Variants in LOXHD1 observed in about 807,000 individuals in gnomAD.
LOXHD1 encodes the protein lipoxygenase homology domain-containing protein 1.
In LOXHD1, 205 loss-of-function variants were observed where a neutral mutation model predicts 248.2. The observed-to-expected ratio is 0.83, with a 90% CI of 0.74 to 0.93. The LOEUF (loss-of-function observed/expected upper bound fraction) is 0.93, where lower values mean the gene tolerates loss of function less well. Among genes scored for constraint, LOXHD1 ranks in the 40% least tolerant of loss-of-function variants. The pLI is 0.00. For missense variants in LOXHD1, 2,930 were observed against 2,971.6 expected, an observed-to-expected ratio of 0.99 and a Z score of 0.33; for synonymous variants, 1,113 against 1,162.8, an observed-to-expected ratio of 0.96 and a Z score of 0.87.
chr18:46,581,949 C>A (rs1327988240), intron 12 of LOXHD1, among the ~76,000 whole-genome samples: 1 of 152,138 alleles, frequency 6.6e-6, no homozygotes, highest in Non-Finnish European at 1.5e-5. Context: ...ACAAAAGCTA[C>A]CTTTCAAGAA....
chr18:46,530,550 T>C (rs1379503669), intron 28 of LOXHD1, among the ~76,000 whole-genome samples: 1 of 152,154 alleles, frequency 6.6e-6, no homozygotes, highest in African/African-American at 2.4e-5. Context: ...AGGCCTCTAC[T>C]GTGAGCCTCA....
Position 46,610,942 on chromosome 18 carries a change from CA to C in LOXHD1, c.611-19del, listed in dbSNP as rs1449730708. ...ACGCTCCCCTGTATGCACAGACATACAAAAGAAATTACAAAAAGACCAGAAG... is the reference window on the plus strand; with the variant it reads ...ACGCTCCCCTGTATGCACAGACATACAAAGAAATTACAAAAAGACCAGAAG... On this transcript the variant is annotated intron_variant, in intron 5 of 40. Transcript: ENST00000642948. 6.5e-7 allele frequency: 1 copy of C among 1,549,104 alleles called. No individual in the cohort carries two copies. The highest frequency in any genetic ancestry group is 8.7e-7 in the Non-Finnish European group (1 of 1,146,302).
intron 13 of LOXHD1, among the ~76,000 whole-genome samples, chr18:46,578,940 C>T (rs2037909728): frequency 6.6e-6 from 1 of 152,220 alleles, no homozygotes; most frequent in South Asian, 2.1e-4. Flanking sequence ...TCAAACTTGC[C>T]TAGCTCTTTC....
rs9944943 is a variant in LOXHD1, at chr18:46,485,380, T to C, written c.6050-229A>G. 0.33 allele frequency among the ~76,000 whole-genome samples: 49,493 copies of C among 151,750 alleles called. 8,877 individuals are homozygous for C. The highest frequency in any genetic ancestry group is 0.75 in the East Asian group (3,892 of 5,156). On this transcript the variant is annotated intron_variant, in intron 38 of 40. Coordinates refer to ENST00000642948, the MANE Select transcript of LOXHD1 (RefSeq NM_001384474.1). ...TTTATTTATAGTAGCAACCTCTTTG[T>C]AGGCAAATATGGGAGCCACTGGGAA... is the stretch of plus-strand genomic sequence containing the variant.
rs921788951 is a variant in LOXHD1 at position 46,601,401 on chromosome 18, T to C, written c.950A>G (p.Tyr317Cys). Residue 317 changes from tyrosine (Y) to cysteine (C), a missense_variant, in exon 8 of 41, where the codon TAC (tyrosine) becomes TGC (cysteine). By Grantham distance (194) the Tyr-to-Cys change is radical (BLOSUM62 -2). Transcript: ENST00000642948. ...CCCTCTGGCCCCATACATGACCAAG[T>C]AGATTTTGGATTTGGTACCAGCCCC... ...VRGAGTKSKI[Y>C]LVMYGARGNK... is the part of the protein sequence containing the mutation. The C allele has an allele frequency of 3.2e-6, 5 of 1,551,504 alleles. No homozygotes were observed. The highest frequency in any genetic ancestry group is 2.0e-5 in the Admixed American group (1 of 50,972).
At chr18:46,482,676 C>T (rs902730751) in intron 40 of LOXHD1, among the ~76,000 whole-genome samples, 2 of 152,226 alleles carry the variant, frequency 1.3e-5, no homozygotes, top group African/African-American at 4.8e-5. Flanking sequence ...GCTTGGCCTC[C>T]TGAGGGCCAG....
rs1011136526 is a variant in LOXHD1, at chr18:46,611,019, A to C, written c.611-95T>G. 3 of 1,437,336 alleles carry C rather than the reference A, an allele frequency of 2.1e-6. No individual in the cohort carries two copies. The East Asian group carries it at 7.5e-5, about 36-fold the overall frequency. 89.0% of individuals were successfully genotyped at this position (1,437,336 alleles called of 1,614,324 possible). On this transcript the variant is annotated intron_variant, in intron 5 of 40. Transcript: ENST00000642948. Reference sequence around the variant, plus strand: ...CCGCCCACTGAAAGATGCTCTTCCAAAGTTAACAAGGGCAACTTCCTCCTG... The same window carrying C: ...CCGCCCACTGAAAGATGCTCTTCCACAGTTAACAAGGGCAACTTCCTCCTG...
At position 46,489,041 on chromosome 18, in the gene LOXHD1, C is replaced by T; in HGVS notation, c.5980G>A (p.Gly1994Ser). 6.4e-7 allele frequency: 1 copy of T among 1,551,710 alleles called. No homozygotes were observed. Among genetic ancestry groups the T allele is most frequent in the Non-Finnish European group, 8.7e-7 (1 of 1,147,002 alleles). ...AAGTCGCGGACCGTCTGCCCGTCAC[C>T]CTCACTCTTGGAGAGCCAGCAGTCA... ...QCDCWLSKSE[G>S]DGQTVRDFAC... The change falls in exon 38 of 41, where the codon GGT (glycine) becomes AGT (serine). Residue 1994 changes from glycine to serine, a missense_variant. Gly to Ser is a moderately conservative substitution (Grantham distance 56, BLOSUM62 0). Coordinates refer to ENST00000642948, the MANE Select transcript of LOXHD1 (RefSeq NM_001384474.1).
intron 8 of LOXHD1, among the ~76,000 whole-genome samples, chr18:46,597,629 A>C (rs181622992): frequency 6.6e-6 from 1 of 152,112 alleles, no homozygotes. Flanking sequence ...TTTGGGAAAC[A>C]TCACTGCAAT....
At position 46,566,269 on chromosome 18, in the gene LOXHD1, C is replaced by T; in HGVS notation, c.2425G>A (p.Glu809Lys). The T allele has an allele frequency of 1.9e-6, 3 of 1,549,588 alleles. No individual in the cohort carries two copies. The highest frequency in any genetic ancestry group is 3.4e-4 in the Middle Eastern group (2 of 5,902). The change falls in exon 17 of 41, where the codon GAG becomes AAG. Residue 809 changes from glutamate (E) to lysine (K), a missense_variant. Physicochemically the swap from Glu to Lys is moderately conservative, Grantham distance 56. Transcript: ENST00000642948. ...GCCTCCTCCATACATTTCTGGATCT[C>T]CACCACCTCGCTGGGATACAGCTCC... ...EVELYPSEVV[E>K]IQKLVHYEVE...
rs1366931644 is a variant in LOXHD1, at chr18:46,521,260, G to C, written c.5108C>G (p.Pro1703Arg). The C allele has an allele frequency of 6.4e-7, 1 of 1,551,646 alleles. No homozygotes were observed. Among genetic ancestry groups the C allele is most frequent in the South Asian group, 1.2e-5 (1 of 84,052 alleles). The change falls in exon 33 of 41, where the codon CCT becomes CGT. Residue 1703 changes from proline to arginine, a missense_variant. By Grantham distance (103) the Pro-to-Arg change is moderately radical. Coordinates refer to ENST00000642948, the MANE Select transcript of LOXHD1 (RefSeq NM_001384474.1). ...KIELGHDGAS[P>R]ESCWLVEELC... ...CTCTTCCACCAGCCAGCAGCTCTCA[G>C]GGGAGGCCCCGTCATGGCCCAGCTA...
chr18:46,544,866 G>A, intron 23 of LOXHD1: 1 of 472,116 alleles, frequency 2.1e-6, no homozygotes, highest in Non-Finnish European at 4.4e-6. Context: ...GCAAATATAT[G>A]ATGACTACTT....
At chr18:46,543,286 T>G (rs746129263) in intron 23 of LOXHD1, among the ~76,000 whole-genome samples, 1 of 152,236 alleles carries the variant, frequency 6.6e-6, no homozygotes, top group Non-Finnish European at 1.5e-5. Flanking sequence ...TCTCCATTCC[T>G]GAGTTACTTC....
chr18:46,645,589 G>A (rs1024661066), intron 2 of LOXHD1, among the ~76,000 whole-genome samples: 2 of 152,120 alleles, frequency 1.3e-5, no homozygotes. Flanking sequence ...CCAGAAGATG[G>A]GGCCTTCTTC....
intron 21 of LOXHD1, among the ~76,000 whole-genome samples, chr18:46,551,399 G>A (rs116373490): frequency 0.078 from 11,797 of 152,046 alleles, 609 homozygotes; most frequent in South Asian, 0.19. Flanking sequence ...CACCACACCC[G>A]GCCAACTCCT....
At chr18:46,560,632 C>T in intron 18 of LOXHD1, 87 bp from the exon 19 acceptor site, 1 of 1,262,934 alleles carries the variant, frequency 7.9e-7, no homozygotes. Context: ...GAGCCAGGCA[C>T]AAGGCCTGTT....
intron 40 of LOXHD1, among the ~76,000 whole-genome samples, chr18:46,483,075 C>G (rs2032717768): frequency 6.6e-6 from 1 of 152,218 alleles, no homozygotes; most frequent in Admixed American, 6.5e-5. Flanking sequence ...ATGTCTGAGT[C>G]TCCAGAAGGC....
chr18:46,506,890 G>A (rs1476949711), intron 36 of LOXHD1, among the ~76,000 whole-genome samples: 1 of 152,166 alleles, frequency 6.6e-6, no homozygotes, highest in Non-Finnish European at 1.5e-5. Flanking sequence ...GCTTGGGATA[G>A]GGGAGTGTAG....
intron 5 of LOXHD1, among the ~76,000 whole-genome samples, chr18:46,611,189 C>T (rs1054024301): frequency 4.6e-5 from 7 of 152,142 alleles, no homozygotes; most frequent in African/African-American, 1.7e-4. Context: ...ATTTGTACCC[C>T]CATCTCTAGA....
Sources: allele counts gnomAD v4.1 joint callset (sites outside exome capture counted in the v4.1 genomes callset), GRCh38; gene constraint gnomAD v4.1.1; transcripts MANE v1.5; gene names NCBI Gene and HGNC (gene_info 2026-07-23, HGNC 2026-07-21).